Variants in CHD9 observed in about 807,000 individuals in gnomAD.
The protein encoded by CHD9 is chromodomain helicase DNA binding protein 9.
A neutral mutation model predicts 316.1 loss-of-function variants in CHD9; 77 were observed. The observed-to-expected ratio is 0.24, with a 90% CI of 0.20 to 0.29. CHD9 has a LOEUF of 0.29. CHD9 is among the 10% of genes least tolerant of loss of function. The pLI is 1.00. For missense variants in CHD9, 2,763 were observed against 3,438.1 expected, an observed-to-expected ratio of 0.80 and a Z score of 4.91; for synonymous variants, 1,129 against 1,158.3, an observed-to-expected ratio of 0.97 and a Z score of 0.51.
chr16:53,278,615 T>C (rs1305513064), intron 24 of CHD9, among the ~76,000 whole-genome samples: 1 of 152,156 alleles, frequency 6.6e-6, no homozygotes, highest in Admixed American at 6.5e-5. Context: ...TCTACTTATC[T>C]GACAAAGGGC....
At chr16:53,237,812 A>C (rs997231000) in intron 11 of CHD9, among the ~76,000 whole-genome samples, 6 of 148,844 alleles carry the variant, frequency 4.0e-5, no homozygotes, top group Non-Finnish European at 7.5e-5. Flanking sequence ...TTGAATCAGA[A>C]TGTATAGGGG....
At chr16:53,058,622 C>T (rs1306786338) in intron 1 of CHD9, among the ~76,000 whole-genome samples, 3 of 152,112 alleles carry the variant, frequency 2.0e-5, no homozygotes, top group Non-Finnish European at 4.4e-5. Flanking sequence ...TGGGGCCAGG[C>T]GGCTCAGTGT....
chr16:53,089,730 C>T (rs994862804), intron 1 of CHD9, among the ~76,000 whole-genome samples: 1 of 152,188 alleles, frequency 6.6e-6, no homozygotes, highest in Non-Finnish European at 1.5e-5. Flanking sequence ...GGATCACCCA[C>T]CCAGGTTCAT....
Position 53,238,405 on chromosome 16 carries a change from T to G in CHD9, c.2696T>G (p.Leu899Arg). The G allele has an allele frequency of 6.2e-7, 1 of 1,612,956 alleles. No homozygotes were observed. The highest frequency in any genetic ancestry group is 8.5e-7 in the Non-Finnish European group (1 of 1,179,128). Residue 899 changes from leucine (L) to arginine (R), a missense_variant, in exon 12 of 39, where the codon CTC (leucine) becomes CGC (arginine). Physicochemically the swap from Leu to Arg is moderately radical, Grantham distance 102 (BLOSUM62 -2). Coordinates refer to ENST00000447540, the MANE Select transcript of CHD9 (RefSeq NM_001308319.2). The part of the protein sequence containing the change: ...LGKTIQSITF[L>R]YEILLTGIRG... ...AAAACTATTCAATCAATTACATTCCTCTATGAAATCCTTCTGACTGGTATA... is the reference window on the plus strand; with the variant it reads ...AAAACTATTCAATCAATTACATTCCGCTATGAAATCCTTCTGACTGGTATA...
rs1042205904 is a variant in CHD9, at chr16:53,231,679, A to G, written c.2406A>G (p.Ser802=). 30 of 1,603,444 alleles carry G rather than the reference A, an allele frequency of 1.9e-5. No homozygotes were observed. The Admixed American group carries it at 4.0e-4, about 21-fold the overall frequency. ...TTTACTACTTAGTAAAATGGTGCTC[A>G]TTGCCATATGAAGATAGTACTTGGG... ...PVIYYLVKWC[S]LPYEDSTWEL... The change falls in exon 10 of 39, where the codon TCA becomes TCG. Residue 802 remains serine (S), a synonymous_variant. Coordinates refer to ENST00000447540, the MANE Select transcript of CHD9 (RefSeq NM_001308319.2).
chr16:53,275,519 T>C (rs2052722351), intron 24 of CHD9, among the ~76,000 whole-genome samples: 1 of 152,236 alleles, frequency 6.6e-6, no homozygotes, highest in Non-Finnish European at 1.5e-5. Flanking sequence ...TAAATACTTT[T>C]GTGTATGTAT....
intron 1 of CHD9, among the ~76,000 whole-genome samples, chr16:53,087,903 A>C (rs879622861): frequency 9.2e-5 from 14 of 151,946 alleles, no homozygotes; most frequent in African/African-American, 2.4e-4. Context: ...AGCCGAGATC[A>C]TGCCATTGCA....
intron 2 of CHD9, among the ~76,000 whole-genome samples, chr16:53,184,894 A>C (rs1169149897): frequency 6.6e-6 from 1 of 151,888 alleles, no homozygotes; most frequent in Non-Finnish European, 1.5e-5. Flanking sequence ...CTTGGCTGTC[A>C]TTTTCTCTCT....
Position 53,324,533 on chromosome 16 carries a change from T to C in CHD9, c.8332T>C (p.Ser2778Pro). ...NSVSSSPSTSSTAALNTAAAA... is the reference protein window; with the variant it reads ...NSVSSSPSTSPTAALNTAAAA... ...TGTGTCAAGTTCTCCTTCCACATCC[T>C]CTACTGCTGCATTAAATACAGCTGC... The change falls in exon 39 of 39, where the codon TCT becomes CCT. Residue 2778 changes from serine (S) to proline (P), a missense_variant. Physicochemically the swap from Ser to Pro is moderately conservative, Grantham distance 74. This residue lies in a region of CHD9 where 298 missense variants were observed against 380.2 expected (regional missense o/e 0.78). Transcript: ENST00000447540. 1 of 1,613,932 alleles carries C rather than the reference T, an allele frequency of 6.2e-7. No individual in the cohort carries two copies. The highest frequency in any genetic ancestry group is 8.5e-7 in the Non-Finnish European group (1 of 1,179,860).
intron 1 of CHD9, among the ~76,000 whole-genome samples, chr16:53,123,780 G>A (rs2038850780): frequency 1.3e-5 from 2 of 152,106 alleles, no homozygotes; most frequent in Admixed American, 1.3e-4. Flanking sequence ...GGAATTACAG[G>A]CATGAGCCAC....
At chr16:53,087,699 G>A (rs2035578913) in intron 1 of CHD9, among the ~76,000 whole-genome samples, 2 of 152,290 alleles carry the variant, frequency 1.3e-5, no homozygotes, top group South Asian at 2.1e-4. Flanking sequence ...TGTAATCCCA[G>A]CACTTTGGAA....
intron 28 of CHD9, 96 bp from the exon 29 acceptor site, chr16:53,292,737 A>T: frequency 1.1e-6 from 1 of 901,462 alleles, no homozygotes; most frequent in Admixed American, 2.3e-5. Context: ...TTCCCCACAT[A>T]GATTGAATTA....
In CHD9 at chr16:53,229,034, A is replaced by G; in HGVS notation, c.2220A>G (p.Lys740=). 6.2e-7 allele frequency: 1 copy of G among 1,600,178 alleles called. No homozygotes were observed. The highest frequency in any genetic ancestry group is 8.5e-7 in the Non-Finnish European group (1 of 1,172,890). ...WATEEQLLKD[K]RIQQKIKRFK... is the part of the protein sequence containing the mutation. ...CAGAAGAGCAGCTTTTGAAAGATAA[A>G]AGGATCCAGCAGAAAATCAAACGAT... Residue 740 remains lysine (K), a synonymous_variant, in exon 8 of 39, where the codon AAA becomes AAG. Coordinates refer to ENST00000447540, the MANE Select transcript of CHD9 (RefSeq NM_001308319.2).
In CHD9 at chr16:53,222,242, A is replaced by G. The variant is rs913481479; in HGVS notation, c.1785-402A>G. Among the ~76,000 whole-genome samples the G allele has an allele frequency of 1.3e-5, 2 of 151,640 alleles. 1 individual carries two copies. The highest frequency in any genetic ancestry group is 4.2e-4 in the South Asian group (2 of 4,806). On this transcript the variant is annotated intron_variant, in intron 3 of 38. Transcript: ENST00000447540. ...CAGATGCCTGCCACCACGCCTGACT[A>G]ATTTTTGTATTTTTAGTAGAGATGG...
rs2048522383 is a variant in CHD9, at chr16:53,235,259, A to G, written c.2586A>G (p.Glu862=). 1 of 1,548,772 alleles carries G rather than the reference A, an allele frequency of 6.5e-7. No homozygotes were observed. The highest frequency in any genetic ancestry group is 8.7e-7 in the Non-Finnish European group (1 of 1,143,964). ...RDYKNGNQLR[E]YQLEGLNWLL... is the part of the protein sequence containing the mutation. ...ATAAAAATGGCAATCAACTCAGGGA[A>G]TATCAACTGGAAGGACTCAACTGGC... Residue 862 remains glutamate, a synonymous_variant, in exon 11 of 39, where the codon GAA becomes GAG. Coordinates refer to ENST00000447540, the MANE Select transcript of CHD9 (RefSeq NM_001308319.2).
At chr16:53,208,139 T>C in intron 2 of CHD9, 1 of 1,074,450 alleles carries the variant, frequency 9.3e-7, no homozygotes, top group Non-Finnish European at 1.1e-6. Flanking sequence ...ACAGTAGATA[T>C]AAACTTGCCA....
intron 22 of CHD9, among the ~76,000 whole-genome samples, chr16:53,271,100 A>G (rs1323689093): frequency 1.3e-5 from 2 of 151,914 alleles, no homozygotes; most frequent in East Asian, 3.9e-4. Flanking sequence ...CCTAAAGATA[A>G]TGACAGGAGA....
At chr16:53,217,457 T>C (rs1377808248) in intron 3 of CHD9, among the ~76,000 whole-genome samples, 1 of 152,220 alleles carries the variant, frequency 6.6e-6, no homozygotes, top group Non-Finnish European at 1.5e-5. Context: ...TTTCGCCATG[T>C]TGGCCAGGCT....
intron 38 of CHD9, 70 bp from the exon 39 acceptor site, chr16:53,323,950 G>T: frequency 7.9e-7 from 1 of 1,273,496 alleles, no homozygotes; most frequent in African/African-American, 1.5e-5. Flanking sequence ...ATGGTTATTT[G>T]TATGATAAGC....
Sources: allele counts gnomAD v4.1 joint callset (sites outside exome capture counted in the v4.1 genomes callset), GRCh38; gene constraint gnomAD v4.1.1; regional missense constraint gnomAD v4.1.1; transcripts MANE v1.5; gene names NCBI Gene and HGNC (gene_info 2026-07-23, HGNC 2026-07-21).